The following NCKAP5 variants were observed in gnomAD, a reference collection of about 807,000 sequenced individuals.
NCKAP5 encodes the protein NCK associated protein 5.
A neutral mutation model predicts 167.0 loss-of-function variants in NCKAP5; 92 were observed. The ratio of observed to expected loss-of-function variants is 0.55; its 90% CI spans 0.47 to 0.66. NCKAP5 has a LOEUF of 0.66. Among genes scored for constraint, NCKAP5 ranks in the 30% least tolerant of loss-of-function variants. The pLI is 0.00. For synonymous variants in NCKAP5, 891 were observed against 877.4 expected (o/e 1.02, Z -0.27); for missense variants, 2,378 against 2,315.0 (o/e 1.03, Z -0.56).
At chr2:133,670,613 A>G in the NCKAP5 span, among the ~76,000 whole-genome samples, 12 of 152,188 alleles carry the variant, frequency 7.9e-5, no homozygotes, top group Admixed American at 5.2e-4. Context: ...GGTGATGAAC[A>G]AGGTCCCTAC....
chr2:133,128,568 AAG>A (rs2082478107), intron 6 of NCKAP5, among the ~76,000 whole-genome samples: 1 of 152,042 alleles, frequency 6.6e-6, no homozygotes, highest in Non-Finnish European at 1.5e-5. Context: ...AATTCTTTGA[AAG>A]AGAGATTCTA....
chr2:132,780,333 A>G (rs1406678165), intron 15 of NCKAP5, among the ~76,000 whole-genome samples: 2 of 152,068 alleles, frequency 1.3e-5, no homozygotes, highest in African/African-American at 4.8e-5. Flanking sequence ...TTGTATTTTA[A>G]TAGAGACGGG....
At chr2:133,286,405 G>C (rs1679145376) in intron 4 of NCKAP5, among the ~76,000 whole-genome samples, 3 of 152,104 alleles carry the variant, frequency 2.0e-5, no homozygotes, top group Admixed American at 1.3e-4. Context: ...GAGTAGTGGA[G>C]AAAAAAGAAA....
At chr2:133,346,090 T>G (rs908297489) in intron 3 of NCKAP5, among the ~76,000 whole-genome samples, 11 of 152,144 alleles carry the variant, frequency 7.2e-5, no homozygotes. Flanking sequence ...TGACAATTTC[T>G]CATCACTTCC....
intron 3 of NCKAP5, among the ~76,000 whole-genome samples, chr2:133,470,136 G>A (rs1445279782): frequency 2.6e-5 from 4 of 152,068 alleles, no homozygotes; most frequent in Admixed American, 2.0e-4. Flanking sequence ...CCCCATCTTT[G>A]TGGTTTTATC....
chr2:132,790,435 G>T (rs984044822), intron 12 of NCKAP5, among the ~76,000 whole-genome samples: 11 of 152,102 alleles, frequency 7.2e-5, no homozygotes, highest in Non-Finnish European at 1.6e-4. Context: ...CTACGGTTGG[G>T]CAAAGTCATC....
At chr2:132,826,828 A>G (rs1425435070) in intron 11 of NCKAP5, among the ~76,000 whole-genome samples, 1 of 152,176 alleles carries the variant, frequency 6.6e-6, no homozygotes, top group Non-Finnish European at 1.5e-5. Flanking sequence ...TTTTTGCTAC[A>G]TTTTCATTAA....
intron 8 of NCKAP5, among the ~76,000 whole-genome samples, chr2:132,962,544 T>C (rs532656714): frequency 8.4e-4 from 128 of 152,154 alleles, no homozygotes; most frequent in Non-Finnish European, 1.6e-3. Flanking sequence ...TGAGGTAGAA[T>C]TGCAGAAAGC....
chr2:132,848,892 T>G (rs1164974916), intron 11 of NCKAP5, among the ~76,000 whole-genome samples: 4 of 151,860 alleles, frequency 2.6e-5, no homozygotes, highest in Non-Finnish European at 1.5e-5. Flanking sequence ...AAACAACTGT[T>G]TTTTTTAAAG....
At chr2:132,820,594 A>G (rs1433826108) in intron 11 of NCKAP5, among the ~76,000 whole-genome samples, 2 of 152,032 alleles carry the variant, frequency 1.3e-5, no homozygotes, top group Admixed American at 6.6e-5. Context: ...TTGGAAATAC[A>G]TTGAGAATCC....
chr2:133,309,908 T>A (rs967771189), intron 3 of NCKAP5, among the ~76,000 whole-genome samples: 5 of 152,216 alleles, frequency 3.3e-5, no homozygotes, highest in African/African-American at 1.2e-4. Context: ...CGTATTATAA[T>A]CAGCATAACT....
At chr2:133,456,669 G>C (rs1216681599) in intron 3 of NCKAP5, among the ~76,000 whole-genome samples, 1 of 152,176 alleles carries the variant, frequency 6.6e-6, no homozygotes, top group Non-Finnish European at 1.5e-5. Context: ...GAATTTGAAG[G>C]AGGCTGCTGA....
intron 3 of NCKAP5, among the ~76,000 whole-genome samples, chr2:133,403,701 C>G (rs1688242503): frequency 6.6e-6 from 1 of 152,314 alleles, no homozygotes; most frequent in African/African-American, 2.4e-5. Flanking sequence ...GGAGAATGTC[C>G]CCACTTTGGG....
chr2:133,102,277 G>C (rs1039263698), intron 6 of NCKAP5, among the ~76,000 whole-genome samples: 26 of 152,124 alleles, frequency 1.7e-4, no homozygotes, highest in African/African-American at 6.3e-4. Flanking sequence ...CTCCCGAGTA[G>C]CCGGGACTAT....
chr2:132,709,556 T>G (rs1340609968), intron 19 of NCKAP5, among the ~76,000 whole-genome samples: 1 of 151,946 alleles, frequency 6.6e-6, no homozygotes, highest in Non-Finnish European at 1.5e-5. Context: ...AATCAGGTGG[T>G]TTATGTCAAT....
At chr2:133,585,624 T>C in the NCKAP5 span, among the ~76,000 whole-genome samples, 6 of 152,384 alleles carry the variant, frequency 3.9e-5, no homozygotes, top group Admixed American at 3.9e-4. Context: ...AAGTTAATGA[T>C]ATAAAATTAC....
intron 11 of NCKAP5, among the ~76,000 whole-genome samples, chr2:132,853,476 CA>C (rs764178258): frequency 3.6e-4 from 55 of 152,138 alleles, no homozygotes; most frequent in Admixed American, 1.3e-4. Flanking sequence ...AAGCCAGCCA[CA>C]TAGTAATACA....
Position 133,130,012 on chromosome 2 carries a change from T to C in NCKAP5, c.307A>G (p.Ile103Val), listed in dbSNP as rs768102974. Residue 103 changes from isoleucine to valine, a missense_variant, in exon 6 of 20, where the codon ATT becomes GTT. Physicochemically the swap from Ile to Val is conservative, Grantham distance 29 (BLOSUM62 3). This residue lies in a region of NCKAP5 where 1,049 missense variants were observed against 1,023.4 expected (regional missense o/e 1.02). Coordinates refer to ENST00000409261, the MANE Select transcript of NCKAP5 (RefSeq NM_207363.3). ...EVTLESERNR[I>V]QMRSLQQQFS... is the part of the protein sequence containing the mutation. ...TGCTGCTGCAAGCTACGCATCTGAA[T>C]TCTGTTGCGTTCAGACTCTAGGGTC... The C allele has an allele frequency of 6.2e-7, 1 of 1,610,602 alleles. No homozygotes were observed. Among genetic ancestry groups the C allele is most frequent in the Non-Finnish European group, 8.5e-7 (1 of 1,178,786 alleles).
chr2:132,878,521 C>A (rs1451599560), intron 9 of NCKAP5, among the ~76,000 whole-genome samples: 1 of 151,950 alleles, frequency 6.6e-6, no homozygotes, highest in South Asian at 2.1e-4. Flanking sequence ...AATAATTTAT[C>A]ATGCAGTAAA....
Sources: allele counts gnomAD v4.1 joint callset (sites outside exome capture counted in the v4.1 genomes callset), GRCh38; gene constraint gnomAD v4.1.1; regional missense constraint gnomAD v4.1.1; transcripts MANE v1.5; gene names NCBI Gene and HGNC (gene_info 2026-07-23, HGNC 2026-07-21).